SLIT3: variants seen among roughly 807,000 people sequenced by gnomAD.
SLIT3 encodes slit guidance ligand 3, also known as slit homolog 3 protein.
Under a neutral mutation model 184.0 loss-of-function variants are expected in SLIT3, and 68 were observed. The ratio of observed to expected loss-of-function variants is 0.37; its 90% CI spans 0.30 to 0.45. SLIT3 has a LOEUF of 0.45. Among genes scored for constraint, SLIT3 ranks in the 20% least tolerant of loss-of-function variants. The probability of loss-of-function intolerance (pLI) is 1.00; values close to 1 mark genes in which losing one functional copy is unlikely to be tolerated. For synonymous variants in SLIT3, 831 were observed against 828.6 expected (o/e 1.00, Z -0.05); for missense variants, 1,707 against 2,026.0 (o/e 0.84, Z 3.02).
intron 4 of SLIT3, among the ~76,000 whole-genome samples, chr5:169,192,281 A>T (rs1301591983): frequency 6.6e-6 from 1 of 152,196 alleles, no homozygotes; most frequent in Admixed American, 6.5e-5. Context: ...GATGGGGCAC[A>T]CAGCAAGAGG....
chr5:169,144,640 AG>A (rs1761868571), intron 4 of SLIT3, among the ~76,000 whole-genome samples: 1 of 152,230 alleles, frequency 6.6e-6, no homozygotes, highest in African/African-American at 2.4e-5. Context: ...ATCCTCAGGA[AG>A]GGTCTGGTCT....
intron 10 of SLIT3, chr5:168,791,132 T>C (rs753328418): frequency 2.6e-5 from 4 of 152,284 alleles, no homozygotes; most frequent in Non-Finnish European, 5.9e-5. Context: ...GCCCTCAGCA[T>C]GGCTGCCTAT....
chr5:169,149,328 A>C (rs1762038722), intron 4 of SLIT3, among the ~76,000 whole-genome samples: 1 of 150,722 alleles, frequency 6.6e-6, no homozygotes, highest in South Asian at 2.1e-4. Context: ...TTATGAGAGA[A>C]TACAACATGG....
chr5:168,872,765 C>T (rs1225885589), intron 5 of SLIT3, among the ~76,000 whole-genome samples: 2 of 151,556 alleles, frequency 1.3e-5, no homozygotes, highest in Admixed American at 1.3e-4. Context: ...CAGCCTCTCC[C>T]GAGTAGCTGG....
intron 4 of SLIT3, among the ~76,000 whole-genome samples, chr5:169,190,225 G>C (rs1763506771): frequency 1.3e-5 from 2 of 152,210 alleles, no homozygotes; most frequent in Non-Finnish European, 1.5e-5. Context: ...TCTACCCTCA[G>C]TTCTTTCTGA....
intron 8 of SLIT3, among the ~76,000 whole-genome samples, chr5:168,807,984 C>A (rs922318475): frequency 1.3e-5 from 2 of 152,162 alleles, no homozygotes; most frequent in Admixed American, 1.3e-4. Context: ...ACGTTTACCT[C>A]CCCAGAAAGT....
At chr5:168,925,756 C>T (rs1761800052) in intron 4 of SLIT3, among the ~76,000 whole-genome samples, 1 of 151,832 alleles carries the variant, frequency 6.6e-6, no homozygotes, top group East Asian at 1.9e-4. Flanking sequence ...CTAGGTTTGC[C>T]AACTCTAAGC....
chr5:169,151,244 T>C (rs1405943165), intron 4 of SLIT3, among the ~76,000 whole-genome samples: 1 of 152,180 alleles, frequency 6.6e-6, no homozygotes, highest in Non-Finnish European at 1.5e-5. Flanking sequence ...GCCCTTTCAT[T>C]AAATGCATCA....
At chr5:169,058,009 A>G (rs564290503) in intron 4 of SLIT3, among the ~76,000 whole-genome samples, 1 of 152,330 alleles carries the variant, frequency 6.6e-6, no homozygotes, top group African/African-American at 2.4e-5. Context: ...TGCTTGCCCC[A>G]GCATGTAGTG....
chr5:169,136,154 G>C (rs569449726), intron 4 of SLIT3, among the ~76,000 whole-genome samples: 1 of 152,196 alleles, frequency 6.6e-6, no homozygotes, highest in African/African-American at 2.4e-5. Flanking sequence ...GCCAGCTTGA[G>C]GGGAGGGGGA....
At chr5:169,082,643 C>T (rs988233685) in intron 4 of SLIT3, among the ~76,000 whole-genome samples, 3 of 152,138 alleles carry the variant, frequency 2.0e-5, no homozygotes, top group Non-Finnish European at 4.4e-5. Context: ...GGAATGACCG[C>T]ATCAGAACCA....
Position 168,686,975 on chromosome 5 carries a change from T to A in SLIT3, c.3314+4A>T, listed in dbSNP as rs751246688. 1 of 1,613,090 alleles carries A rather than the reference T, an allele frequency of 6.2e-7. No individual in the cohort carries two copies. The highest frequency in any genetic ancestry group is 8.5e-7 in the Non-Finnish European group (1 of 1,179,256). ...CTCCTTCCTGAGGTGCCCTCCTGCCTTACCTGAAGCCCTGGGGGCAGGTGC... is the reference window on the plus strand; with the variant it reads ...CTCCTTCCTGAGGTGCCCTCCTGCCATACCTGAAGCCCTGGGGGCAGGTGC... On this transcript the variant is annotated splice_donor_region_variant and intron_variant, in intron 30 of 35. Coordinates refer to ENST00000519560, the MANE Select transcript of SLIT3 (RefSeq NM_003062.4).
chr5:169,157,033 C>A (rs1394809130), intron 4 of SLIT3, among the ~76,000 whole-genome samples: 1 of 151,868 alleles, frequency 6.6e-6, no homozygotes, highest in African/African-American at 2.4e-5. Flanking sequence ...ACAAAAAAAT[C>A]TGGCCCCCCC....
At chr5:169,167,184 A>AAAAAC (rs766266973) in intron 4 of SLIT3, among the ~76,000 whole-genome samples, 1 of 149,902 alleles carries the variant, frequency 6.7e-6, no homozygotes, top group African/African-American at 2.5e-5. Context: ...AAACAAAAAC[A>AAAAAC]AAAACAAAAC....
At position 168,785,924 on chromosome 5, in the gene SLIT3, C is replaced by A. The variant is rs140656760; in HGVS notation, c.1134G>T (p.Leu378=). 5.5e-5 allele frequency: 88 copies of A among 1,612,672 alleles called. No individual in the cohort carries two copies. Among genetic ancestry groups the A allele is most frequent in the Non-Finnish European group, 7.0e-5 (82 of 1,178,940 alleles). ...TEIVKGLFDG[L]VSLQLLLLNA... The stretch of plus-strand genomic sequence containing the variant: ...CTACTCACAGCAGCTGTAGGGACAC[C>A]AGCCCATCAAACAGTCCCTTGACAA... The change falls in exon 12 of 36, where the codon CTG becomes CTT. Residue 378 remains leucine (L), a synonymous_variant. Coordinates refer to ENST00000519560, the MANE Select transcript of SLIT3 (RefSeq NM_003062.4).
At chr5:169,286,839 G>C (rs1404391640) in intron 1 of SLIT3, among the ~76,000 whole-genome samples, 1 of 152,194 alleles carries the variant, frequency 6.6e-6, no homozygotes, top group Non-Finnish European at 1.5e-5. Context: ...TTGTTCGTTA[G>C]CAACACAGAC....
At chr5:169,241,592 T>C (rs894604024) in intron 3 of SLIT3, among the ~76,000 whole-genome samples, 11 of 152,140 alleles carry the variant, frequency 7.2e-5, no homozygotes, top group Admixed American at 6.5e-5. Context: ...GAATCACTTA[T>C]ATAGAACAAA....
rs550806898 is a variant in SLIT3, at chr5:168,785,792, T to C, written c.1151+115A>G. On this transcript the variant is annotated intron_variant, in intron 12 of 35. Transcript: ENST00000519560. The stretch of plus-strand genomic sequence containing the variant: ...GAAGCGTGGACAGCTCAAACATTTT[T>C]TTCTCTTTTGTCTGCAGAAAGTCAA... 1.1e-4 allele frequency: 81 copies of C among 752,310 alleles called. 1 individual carries two copies. In the South Asian group the frequency reaches 1.3e-3, roughly 12 times the overall value. The allele number at this position is 752,310 out of a possible 1,614,324, so 46.6% of individuals were successfully genotyped here.
intron 32 of SLIT3, 107 bp from the exon 33 acceptor site, chr5:168,673,438 T>G: frequency 9.3e-7 from 1 of 1,072,762 alleles, no homozygotes; most frequent in South Asian, 1.7e-5. Flanking sequence ...TGTTTTACTT[T>G]TTATTTGGAA....
Sources: allele counts gnomAD v4.1 joint callset (sites outside exome capture counted in the v4.1 genomes callset), GRCh38; gene constraint gnomAD v4.1.1; transcripts MANE v1.5; gene names NCBI Gene and HGNC (gene_info 2026-07-23, HGNC 2026-07-21).